CSMD1: variants seen among roughly 807,000 people sequenced by gnomAD.
The protein encoded by CSMD1 is CUB and Sushi multiple domains 1.
In CSMD1, 213 loss-of-function variants were observed where a neutral mutation model predicts 417.5. The observed-to-expected ratio is 0.51, with a 90% CI of 0.46 to 0.57. The LOEUF is 0.57. Among genes scored for constraint, CSMD1 ranks in the 20% least tolerant of loss-of-function variants. The pLI is 0.00. For missense variants in CSMD1, 6,923 were observed against 4,529.7 expected (o/e 1.53, Z -15.17); for synonymous variants, 2,862 against 1,736.8 (o/e 1.65, Z -16.11).
chr8:3,546,612 A>C (rs1248762569), intron 10 of CSMD1, among the ~76,000 whole-genome samples: 1 of 152,136 alleles, frequency 6.6e-6, no homozygotes, highest in African/African-American at 2.4e-5. Flanking sequence ...AAAAGTTTTG[A>C]ATAATACTGC....
At chr8:4,365,181 C>T (rs577614223) in intron 3 of CSMD1, among the ~76,000 whole-genome samples, 1 of 152,032 alleles carries the variant, frequency 6.6e-6, no homozygotes, top group African/African-American at 2.4e-5. Context: ...TAGTTTTGCT[C>T]ACAATAAATA....
intron 33 of CSMD1, among the ~76,000 whole-genome samples, chr8:3,194,864 AGGT>A (rs1796616486): frequency 6.6e-6 from 1 of 152,092 alleles, no homozygotes. Context: ...CCTGGGATGC[AGGT>A]GCTGCTTCAG....
rs141211428 is a variant in CSMD1, at chr8:4,275,293, A to G, written c.415+144660T>C. ...GACTTCTCTTTTATGTTTTATTAAG[A>G]ACAGAAACTGTAAGGTCAGAAGGTA... On this transcript the variant is annotated intron_variant, in intron 3 of 69. Coordinates refer to ENST00000635120, the MANE Select transcript of CSMD1 (RefSeq NM_033225.6). Among the ~76,000 whole-genome samples, 10 of 152,260 alleles carry G rather than the reference A, an allele frequency of 6.6e-5. No homozygotes were observed. The East Asian group carries it at 1.9e-3, about 29-fold the overall frequency.
At chr8:3,490,807 C>T (rs1457875530) in intron 11 of CSMD1, among the ~76,000 whole-genome samples, 1 of 152,124 alleles carries the variant, frequency 6.6e-6, no homozygotes, top group African/African-American at 2.4e-5. Flanking sequence ...GCCTTAGAAG[C>T]TTGCCCAAAA....
intron 5 of CSMD1, among the ~76,000 whole-genome samples, chr8:3,848,503 T>C (rs1803665857): frequency 6.6e-6 from 1 of 152,032 alleles, no homozygotes; most frequent in African/African-American, 2.4e-5. Flanking sequence ...TACTTTCCGA[T>C]TTTATAGCAA....
intron 11 of CSMD1, among the ~76,000 whole-genome samples, chr8:3,478,949 A>G (rs1006982073): frequency 6.6e-6 from 1 of 151,972 alleles, no homozygotes; most frequent in African/African-American, 2.4e-5. Flanking sequence ...GGAATAGGTG[A>G]CGGGGCACTG....
intron 7 of CSMD1, among the ~76,000 whole-genome samples, chr8:3,657,706 G>A (rs1250179728): frequency 2.0e-5 from 3 of 152,224 alleles, no homozygotes; most frequent in East Asian, 3.9e-4. Flanking sequence ...TGGGTAGGGG[G>A]CTAGGGGAGG....
intron 25 of CSMD1, among the ~76,000 whole-genome samples, chr8:3,303,641 G>C (rs753258832): frequency 2.0e-5 from 3 of 152,282 alleles, no homozygotes; most frequent in East Asian, 1.9e-4. Flanking sequence ...TTAAAGCTTA[G>C]GAACAGTGTA....
intron 12 of CSMD1, among the ~76,000 whole-genome samples, chr8:3,455,775 G>A (rs550951583): frequency 2.0e-5 from 3 of 152,350 alleles, no homozygotes; most frequent in South Asian, 2.1e-4. Flanking sequence ...CACTTGAGGA[G>A]GCAGTCTGTC....
intron 33 of CSMD1, among the ~76,000 whole-genome samples, chr8:3,194,880 G>A (rs1796617016): frequency 6.6e-6 from 1 of 152,078 alleles, no homozygotes; most frequent in Non-Finnish European, 1.5e-5. Context: ...TGCTTCAGGT[G>A]AGGAGCCTGG....
intron 2 of CSMD1, among the ~76,000 whole-genome samples, chr8:4,551,255 C>A (rs1472493685): frequency 6.6e-6 from 1 of 151,196 alleles, no homozygotes; most frequent in Non-Finnish European, 1.5e-5. Context: ...GGCAGGCTAT[C>A]TTTTTATAGT....
intron 2 of CSMD1, among the ~76,000 whole-genome samples, chr8:4,530,869 TA>T: frequency 6.6e-6 from 1 of 152,034 alleles, no homozygotes; most frequent in Non-Finnish European, 1.5e-5. Flanking sequence ...CACAAAGAAG[TA>T]AAGTCAGCCT....
At chr8:3,654,725 T>C (rs1200765171) in intron 7 of CSMD1, among the ~76,000 whole-genome samples, 1 of 152,228 alleles carries the variant, frequency 6.6e-6, no homozygotes, top group Non-Finnish European at 1.5e-5. Flanking sequence ...TGGGCATCTC[T>C]GCAGGTGATG....
intron 3 of CSMD1, among the ~76,000 whole-genome samples, chr8:4,382,390 G>C: frequency 6.6e-6 from 1 of 152,202 alleles, no homozygotes; most frequent in East Asian, 1.9e-4. Flanking sequence ...CCGGAGAGGA[G>C]CGCATGGTCA....
At chr8:3,534,683 T>C (rs1430333336) in intron 10 of CSMD1, among the ~76,000 whole-genome samples, 1 of 152,248 alleles carries the variant, frequency 6.6e-6, no homozygotes, top group Non-Finnish European at 1.5e-5. Flanking sequence ...AACCATTGTG[T>C]ACATCCTTTT....
intron 24 of CSMD1, among the ~76,000 whole-genome samples, chr8:3,308,102 A>C (rs2052599): frequency 0.34 from 51,423 of 152,064 alleles, 9,208 homozygotes; most frequent in South Asian, 0.42. Context: ...CACTGTACCT[A>C]TAGTCTCCAT....
At chr8:3,602,753 A>T (rs907592882) in intron 8 of CSMD1, among the ~76,000 whole-genome samples, 3 of 151,866 alleles carry the variant, frequency 2.0e-5, no homozygotes, top group African/African-American at 7.3e-5. Flanking sequence ...ACACACAGAA[A>T]AAGTGTTACA....
chr8:4,235,931 G>C (rs1366918408), intron 3 of CSMD1, among the ~76,000 whole-genome samples: 1 of 151,546 alleles, frequency 6.6e-6, no homozygotes, highest in Non-Finnish European at 1.5e-5. Flanking sequence ...CAAACCATTT[G>C]TGTTTACCGT....
chr8:2,974,468 G>A lies in CSMD1; in HGVS notation c.8723C>T (p.Ala2908Val). 1 of 1,609,992 alleles carries A rather than the reference G, an allele frequency of 6.2e-7. No homozygotes were observed. Among genetic ancestry groups the A allele is most frequent in the Non-Finnish European group, 8.5e-7 (1 of 1,177,086 alleles). ...CCCCTCACCTGTGCAGTGGGGCAGT[G>A]CCCCGCTCCAGTGACTGTCTTCCTG... ...VCQEDSHWSG[A>V]LPHCTGNNPG... Residue 2908 changes from alanine to valine, a missense_variant, in exon 56 of 70, where the codon GCA becomes GTA. Physicochemically the swap from Ala to Val is moderately conservative, Grantham distance 64. Transcript: ENST00000635120.
Sources: allele counts gnomAD v4.1 joint callset (sites outside exome capture counted in the v4.1 genomes callset), GRCh38; gene constraint gnomAD v4.1.1; transcripts MANE v1.5; gene names NCBI Gene and HGNC (gene_info 2026-07-23, HGNC 2026-07-21).